Variants in PCDHA1 observed in about 807,000 individuals in gnomAD.
PCDHA1 encodes the protein protocadherin alpha 1, also known as protocadherin alpha-1.
PCDHA1 carries 42 observed loss-of-function variants against 61.3 expected under a neutral mutation model. That is an observed-to-expected ratio of 0.69 (90% CI 0.54 to 0.89). The LOEUF is 0.89. PCDHA1 is among the 40% of genes least tolerant of loss of function. The pLI, the probability that PCDHA1 is intolerant of heterozygous loss-of-function variation, is 0.00. For synonymous variants in PCDHA1, 610 were observed against 553.8 expected, an observed-to-expected ratio of 1.10 and a Z score of -1.43; for missense variants, 1,256 against 1,235.3, an observed-to-expected ratio of 1.02 and a Z score of -0.25.
intron 1 of PCDHA1, chr5:140,834,849 G>A: frequency 6.2e-7 from 1 of 1,610,850 alleles, no homozygotes; most frequent in East Asian, 2.2e-5. Flanking sequence ...TCCACTAGAG[G>A]GCGCGTCCGA....
intron 1 of PCDHA1, chr5:140,841,323 T>G: frequency 1.3e-6 from 2 of 1,588,196 alleles, no homozygotes; most frequent in Non-Finnish European, 1.7e-6. Flanking sequence ...CTATTTAACA[T>G]GGATTATCAC....
At chr5:140,947,854 A>G (rs2094183959) in intron 1 of PCDHA1, among the ~76,000 whole-genome samples, 1 of 151,504 alleles carries the variant, frequency 6.6e-6, no homozygotes, top group Non-Finnish European at 1.5e-5. Context: ...TTATTTTGTC[A>G]TTATAATGGC....
chr5:140,788,273 C>T lies in PCDHA1; in HGVS notation c.1983C>T (p.Ala661=), dbSNP rs560591175. The T allele has an allele frequency of 1.9e-6, 3 of 1,613,986 alleles. No homozygotes were observed. In the African/African-American group the frequency reaches 4.0e-5, roughly 22 times the overall value. The change falls in exon 1 of 4, where the codon GCC becomes GCT. Residue 661 remains alanine (A), a synonymous_variant. Coordinates refer to ENST00000504120, the MANE Select transcript of PCDHA1 (RefSeq NM_018900.4). Reference sequence around the variant, plus strand: ...ATCACGGTGAGCCGGCGCTGACAGCCACGGCCACTGTGCTTGTATCTCTGG... The same window carrying T: ...ATCACGGTGAGCCGGCGCTGACAGCTACGGCCACTGTGCTTGTATCTCTGG... The part of the protein sequence containing the change: ...VKDHGEPALT[A]TATVLVSLVE...
rs1554117657 is a variant in PCDHA1 at position 140,787,066 on chromosome 5, C to T, written c.776C>T (p.Thr259Ile). 5.0e-6 allele frequency: 8 copies of T among 1,614,058 alleles called. No individual in the cohort carries two copies. In the East Asian group the frequency reaches 6.7e-5, roughly 13 times the overall value. ...VHLLETTANG[T>I]LVTTLNASDA... Reference sequence around the variant, plus strand: ...TTGTTAGAGACTACAGCAAATGGAACATTAGTGACCACATTAAATGCCTCT... The same window carrying T: ...TTGTTAGAGACTACAGCAAATGGAATATTAGTGACCACATTAAATGCCTCT... Residue 259 changes from threonine (T) to isoleucine (I), a missense_variant, in exon 1 of 4, where the codon ACA (threonine) becomes ATA (isoleucine). Thr to Ile is a moderately conservative substitution (Grantham distance 89). Transcript: ENST00000504120.
intron 1 of PCDHA1, chr5:140,883,560 G>C: frequency 6.2e-7 from 1 of 1,614,184 alleles, no homozygotes; most frequent in South Asian, 1.1e-5. Flanking sequence ...CGGGACGGGG[G>C]CTCGCCTTCG....
chr5:140,807,850 G>T, intron 1 of PCDHA1: 2 of 1,614,168 alleles, frequency 1.2e-6, no homozygotes, highest in South Asian at 2.2e-5. Context: ...GCAAACCCGA[G>T]TTGACTGGCA....
intron 1 of PCDHA1, among the ~76,000 whole-genome samples, chr5:140,970,168 G>T (rs1050888983): frequency 6.6e-6 from 1 of 152,168 alleles, no homozygotes; most frequent in Non-Finnish European, 1.5e-5. Context: ...ACCTTTCTTG[G>T]CATACTCTGA....
chr5:140,857,419 C>G, intron 1 of PCDHA1: 3 of 1,598,332 alleles, frequency 1.9e-6, no homozygotes, highest in Non-Finnish European at 2.6e-6. Context: ...TCGCGCAGTC[C>G]GAGTACACGG....
chr5:140,863,155 T>G (rs1554157838), intron 1 of PCDHA1: 1 of 635,268 alleles, frequency 1.6e-6, no homozygotes, highest in Admixed American at 1.9e-5. Context: ...GAAGGACCAC[T>G]GCGAGCTGGC....
intron 1 of PCDHA1, chr5:140,804,332 T>C (rs1562197442): frequency 6.6e-6 from 1 of 152,084 alleles, no homozygotes; most frequent in African/African-American, 2.4e-5. Flanking sequence ...TTAATAATAC[T>C]ACTGTATTAT....
intron 1 of PCDHA1, among the ~76,000 whole-genome samples, chr5:140,906,790 C>A (rs1381392314): frequency 6.6e-6 from 1 of 152,276 alleles, no homozygotes; most frequent in South Asian, 2.1e-4. Flanking sequence ...TTGTGTATTC[C>A]ATGCATACTC....
chr5:140,797,254 C>T (rs781823139), intron 1 of PCDHA1: 6 of 1,614,162 alleles, frequency 3.7e-6, no homozygotes, highest in Non-Finnish European at 4.2e-6. Flanking sequence ...TGGGGAGGAC[C>T]CCCCCAAGAC....
rs2150320431 is a variant in PCDHA1 at position 140,841,664 on chromosome 5, C to A, written c.2394+52980C>A. ...GGAGGTGATCGTGGACAGGCCGCTGCAGGTTTTCCATGTGGACGTGGAGGT... is the reference window on the plus strand; with the variant it reads ...GGAGGTGATCGTGGACAGGCCGCTGAAGGTTTTCCATGTGGACGTGGAGGT... On this transcript the variant is annotated intron_variant, in intron 1 of 3. Coordinates refer to ENST00000504120, the MANE Select transcript of PCDHA1 (RefSeq NM_018900.4). 3 of 1,613,958 alleles carry A rather than the reference C, an allele frequency of 1.9e-6. No homozygotes were observed. In the African/African-American group the frequency reaches 4.0e-5, roughly 22 times the overall value.
At chr5:140,993,727 T>C (rs1482867785) in intron 3 of PCDHA1, among the ~76,000 whole-genome samples, 1 of 152,220 alleles carries the variant, frequency 6.6e-6, no homozygotes, top group Non-Finnish European at 1.5e-5. Context: ...ACCTTTTCTA[T>C]GTTTAGATAC....
At chr5:140,942,434 T>C (rs2093297092) in intron 1 of PCDHA1, among the ~76,000 whole-genome samples, 1 of 151,244 alleles carries the variant, frequency 6.6e-6, no homozygotes, top group African/African-American at 2.4e-5. Flanking sequence ...TATCTAACAA[T>C]AAACAAGTAA....
At chr5:140,867,175 C>T (rs782419499) in intron 1 of PCDHA1, 5 of 152,056 alleles carry the variant, frequency 3.3e-5, no homozygotes, top group Admixed American at 1.3e-4. Context: ...GGTTCATTTC[C>T]CTACCTCGCA....
At chr5:140,944,134 A>G (rs890508296) in intron 1 of PCDHA1, among the ~76,000 whole-genome samples, 1 of 152,122 alleles carries the variant, frequency 6.6e-6, no homozygotes, top group East Asian at 1.9e-4. Context: ...GAAAAGGTTG[A>G]AGATTAGAAG....
At chr5:140,918,977 AG>A (rs1226723076) in intron 1 of PCDHA1, among the ~76,000 whole-genome samples, 6 of 152,192 alleles carry the variant, frequency 3.9e-5, no homozygotes, top group African/African-American at 1.4e-4. Context: ...CGTTTAGGTT[AG>A]TTGGTTTTTA....
intron 1 of PCDHA1, chr5:140,866,111 C>T (rs2049154536): frequency 6.6e-6 from 1 of 151,970 alleles, no homozygotes; most frequent in South Asian, 2.1e-4. Flanking sequence ...TTAAGAGTTG[C>T]CTTATAAGAA....
Sources: allele counts gnomAD v4.1 joint callset (sites outside exome capture counted in the v4.1 genomes callset), GRCh38; gene constraint gnomAD v4.1.1; transcripts MANE v1.5; gene names NCBI Gene and HGNC (gene_info 2026-07-23, HGNC 2026-07-21).